The following SYT2 variants were observed in gnomAD, a reference collection of about 807,000 sequenced individuals.
The protein encoded by SYT2 is synaptotagmin-2.
Under a neutral mutation model 39.9 loss-of-function variants are expected in SYT2, and 15 were observed. The observed-to-expected ratio is 0.38, with a 90% confidence interval of 0.25 to 0.58. The LOEUF (loss-of-function observed/expected upper bound fraction) is 0.58, where lower values mean the gene tolerates loss of function less well. Among genes scored for constraint, SYT2 ranks in the 20% least tolerant of loss-of-function variants. The probability of loss-of-function intolerance (pLI) is 0.70; values close to 1 mark genes in which losing one functional copy is unlikely to be tolerated. For missense variants in SYT2, 389 were observed against 530.3 expected, an observed-to-expected ratio of 0.73 and a Z score of 2.62; for synonymous variants, 181 against 204.5, an observed-to-expected ratio of 0.89 and a Z score of 0.98.
At chr1:202,655,586 C>T (rs1370559047) in intron 1 of SYT2, among the ~76,000 whole-genome samples, 1 of 152,152 alleles carries the variant, frequency 6.6e-6, no homozygotes, top group East Asian at 1.9e-4. Context: ...TGTTCCTATC[C>T]TTGTTTTCCA....
chr1:202,620,478 C>G (rs897984930), intron 1 of SYT2, among the ~76,000 whole-genome samples: 4 of 148,390 alleles, frequency 2.7e-5, no homozygotes, highest in African/African-American at 9.9e-5. Flanking sequence ...TTTTTTTTTT[C>G]TATCATGTAG....
Position 202,603,269 on chromosome 1 carries a change from C to A in SYT2, c.346-151G>T, listed in dbSNP as rs954890293. 1.1e-4 allele frequency: 118 copies of A among 1,111,198 alleles called. 1 individual carries two copies. In the African/African-American group the frequency reaches 1.7e-3, roughly 16 times the overall value. The allele number at this position is 1,111,198 out of a possible 1,614,324, so 68.8% of individuals were successfully genotyped here. A position where few individuals can be genotyped will look rare whatever the true frequency, so the allele number is the denominator to read the frequency against. ...AACACAAGAGGGAACGTGGCCCTGC[C>A]ATGGGACCCTCCTTCACGGCCCATC... On this transcript the variant is annotated intron_variant, in intron 3 of 8. Transcript: ENST00000367268.
rs1022344126 is a variant in SYT2 at position 202,591,868 on chromosome 1, C to G, written c.*4889G>C. On this transcript the variant is annotated 3_prime_UTR_variant, in exon 9 of 9. Transcript: ENST00000367268. ...TATCCAGAACCATGGAGTCCCACTG[C>G]TGTCTGCTCCTCGCCCAGCGTAGAG... 6.5e-6 allele frequency: 1 copy of G among 152,734 alleles called. No individual in the cohort carries two copies. The highest frequency in any genetic ancestry group is 1.5e-5 in the Non-Finnish European group (1 of 68,098). The allele number at this position is 152,734 out of a possible 1,614,324, so 9.5% of individuals were successfully genotyped here. A position where few individuals can be genotyped will look rare whatever the true frequency, so the allele number is the denominator to read the frequency against.
intron 1 of SYT2, among the ~76,000 whole-genome samples, chr1:202,667,925 C>T (rs1296380205): frequency 6.6e-6 from 1 of 152,110 alleles, no homozygotes; most frequent in African/African-American, 2.4e-5. Context: ...GTTGCCCAGG[C>T]TGGTCTCGAA....
intron 1 of SYT2, among the ~76,000 whole-genome samples, chr1:202,705,602 G>A (rs946091104): frequency 1.3e-5 from 2 of 152,142 alleles, no homozygotes; most frequent in African/African-American, 4.8e-5. Context: ...AAGTGTGAGG[G>A]GCTTTCAGAA....
intron 1 of SYT2, among the ~76,000 whole-genome samples, chr1:202,624,404 TG>T (rs1691291289): frequency 6.6e-6 from 1 of 151,204 alleles, no homozygotes; most frequent in African/African-American, 2.4e-5. Flanking sequence ...ATGTGTGGTA[TG>T]GGGGTATAGT....
chr1:202,648,124 T>C (rs1692124516), intron 1 of SYT2, among the ~76,000 whole-genome samples: 1 of 152,218 alleles, frequency 6.6e-6, no homozygotes, highest in African/African-American at 2.4e-5. Flanking sequence ...AGTTAATACA[T>C]GTAAAAAACT....
chr1:202,702,419 TG>T (rs1253350668), intron 1 of SYT2, among the ~76,000 whole-genome samples: 2 of 152,256 alleles, frequency 1.3e-5, no homozygotes, highest in Non-Finnish European at 2.9e-5. Flanking sequence ...TTCCTACTCG[TG>T]GGAGAGTCAA....
intron 8 of SYT2, 95 bp from the exon 9 acceptor site, chr1:202,597,058 AAG>A: frequency 5.3e-6 from 6 of 1,134,596 alleles, no homozygotes; most frequent in Non-Finnish European, 6.4e-6. Context: ...AATGATTGGG[AAG>A]GTAAGGCCTC....
At chr1:202,661,582 C>A (rs1014077161) in intron 1 of SYT2, among the ~76,000 whole-genome samples, 7 of 152,176 alleles carry the variant, frequency 4.6e-5, no homozygotes, top group Non-Finnish European at 8.8e-5. Flanking sequence ...CTTCACACAG[C>A]CTGGCAGGGG....
At chr1:202,626,398 C>CA (rs1691407561) in intron 1 of SYT2, among the ~76,000 whole-genome samples, 1 of 72,432 alleles carries the variant, frequency 1.4e-5, no homozygotes, top group South Asian at 7.0e-4. Flanking sequence ...AGCCTCTCAG[C>CA]TTTTTTTTTT....
intron 1 of SYT2, among the ~76,000 whole-genome samples, chr1:202,627,262 T>C (rs1484693113): frequency 6.6e-6 from 1 of 152,176 alleles, no homozygotes. Context: ...ACTAGGGCTG[T>C]GAGGTGGGAA....
chr1:202,591,793 C>A lies in SYT2; in HGVS notation c.*4964G>T, dbSNP rs1690128507. Reference sequence around the variant, plus strand: ...CTGTCATCCCTGGCTGAGCTGCTGACTGGCTGCTCCTGAAAATCCTGGTTG... The same window carrying A: ...CTGTCATCCCTGGCTGAGCTGCTGAATGGCTGCTCCTGAAAATCCTGGTTG... On this transcript the variant is annotated 3_prime_UTR_variant, in exon 9 of 9. Coordinates refer to ENST00000367268, the MANE Select transcript of SYT2 (RefSeq NM_177402.5). 1 of 152,810 alleles carries A rather than the reference C, an allele frequency of 6.5e-6. No individual in the cohort carries two copies. Among genetic ancestry groups the A allele is most frequent in the South Asian group, 2.1e-4 (1 of 4,834 alleles). 9.5% of individuals were successfully genotyped at this position (152,810 alleles called of 1,614,324 possible). A position where few individuals can be genotyped will look rare whatever the true frequency, so the allele number is the denominator to read the frequency against.
chr1:202,698,867 G>C (rs1449442320), intron 1 of SYT2, among the ~76,000 whole-genome samples: 1 of 152,118 alleles, frequency 6.6e-6, no homozygotes, highest in Non-Finnish European at 1.5e-5. Context: ...TGCTCAATGA[G>C]GAGCTTTAGG....
chr1:202,632,165 TTGTGGGGCACATTGC>T, intron 1 of SYT2: 1 of 817,880 alleles, frequency 1.2e-6, no homozygotes, highest in Non-Finnish European at 1.5e-6. Flanking sequence ...ACTAGATAAT[TTGTGGGGCACATTGC>T]TGTGGGGGTC....
chr1:202,653,845 G>A (rs1692233287), intron 1 of SYT2, among the ~76,000 whole-genome samples: 1 of 152,182 alleles, frequency 6.6e-6, no homozygotes, highest in South Asian at 2.1e-4. Flanking sequence ...AAGGAGGCTG[G>A]GAGCCTGGGT....
chr1:202,672,121 C>T lies in SYT2; in HGVS notation c.-18+38137G>A, dbSNP rs542685141. ...TATCAAGTAAATAAAAAGCCAACATCGAAAATTTCAGCAAATAGCCAGAAA... is the reference window on the plus strand; with the variant it reads ...TATCAAGTAAATAAAAAGCCAACATTGAAAATTTCAGCAAATAGCCAGAAA... On this transcript the variant is annotated intron_variant, in intron 1 of 8. Coordinates refer to ENST00000367268, the MANE Select transcript of SYT2 (RefSeq NM_177402.5). Among the ~76,000 whole-genome samples the T allele has an allele frequency of 3.9e-5, 6 of 152,242 alleles. No homozygotes were observed. In the South Asian group the frequency reaches 6.2e-4, roughly 16 times the overall value.
chr1:202,709,373 AG>A (rs1654332765), intron 1 of SYT2, among the ~76,000 whole-genome samples: 1 of 152,162 alleles, frequency 6.6e-6, no homozygotes, highest in African/African-American at 2.4e-5. Context: ...AAAAGGGAGG[AG>A]ACAGGATGAG....
In SYT2 at chr1:202,710,286, G is replaced by C. The variant is rs1053633347; in HGVS notation, c.-46C>G. The C allele has an allele frequency of 5.3e-5, 8 of 152,184 alleles. No homozygotes were observed. Among genetic ancestry groups the C allele is most frequent in the Non-Finnish European group, 1.0e-4 (7 of 68,054 alleles). The allele number at this position is 152,184 out of a possible 1,614,324, so 9.4% of individuals were successfully genotyped here. On this transcript the variant is annotated 5_prime_UTR_variant, in exon 1 of 9. It adds an upstream start codon to the 5' untranslated region. Coordinates refer to ENST00000367268, the MANE Select transcript of SYT2 (RefSeq NM_177402.5). Reference sequence around the variant, plus strand: ...AGAGCGACCCGAAGGAGGCGGGAGAGATCCGGGGTCTCCAATGTGAGGGGG... The same window carrying C: ...AGAGCGACCCGAAGGAGGCGGGAGACATCCGGGGTCTCCAATGTGAGGGGG...
Sources: gnomAD v4.1 joint callset for allele counts (sites outside exome capture counted in the v4.1 genomes callset) on GRCh38, gnomAD v4.1.1 for gene constraint, MANE v1.5 for transcripts, NCBI Gene and HGNC (gene_info 2026-07-23, HGNC 2026-07-21) for gene names.